RIMS2: variants seen among roughly 807,000 people sequenced by gnomAD.
RIMS2 encodes regulating synaptic membrane exocytosis 2.
Under a neutral mutation model 174.4 loss-of-function variants are expected in RIMS2, and 59 were observed. That is an observed-to-expected ratio of 0.34 (90% confidence interval 0.27 to 0.42). The LOEUF (loss-of-function observed/expected upper bound fraction) is 0.42. Ranked by LOEUF, RIMS2 falls within the 10% of genes least tolerant of loss-of-function variation. RIMS2 has a pLI of 1.00. For missense variants in RIMS2, 1,620 were observed against 1,666.3 expected, an observed-to-expected ratio of 0.97 and a Z score of 0.48; for synonymous variants, 606 against 572.5, an observed-to-expected ratio of 1.06 and a Z score of -0.84.
At chr8:103,874,886 G>T (rs2099128384) in intron 3 of RIMS2, among the ~76,000 whole-genome samples, 1 of 152,032 alleles carries the variant, frequency 6.6e-6, no homozygotes, top group Non-Finnish European at 1.5e-5. Flanking sequence ...ACAAAGCTCA[G>T]CCTCACCAGC....
Position 103,861,900 on chromosome 8 carries a change from A to C in RIMS2, c.699-23398A>C, listed in dbSNP as rs189852644. On this transcript the variant is annotated intron_variant, in intron 3 of 23. Transcript: ENST00000504942. ...ATATTAGTCCTTTGTCAGAGGCATA[A>C]TTTACAAATATTTTCTCCCATTCTG... 2.0e-3 allele frequency among the ~76,000 whole-genome samples: 310 copies of C among 152,072 alleles called. 1 individual carries two copies. Among genetic ancestry groups the C allele is most frequent in the Non-Finnish European group, 3.9e-3 (268 of 67,882 alleles).
intron 1 of RIMS2, among the ~76,000 whole-genome samples, chr8:103,565,393 T>C (rs34478067): frequency 0.18 from 27,595 of 151,998 alleles, 2,748 homozygotes; most frequent in African/African-American, 0.25. Context: ...CAAGCTCGAC[T>C]GCCTGGGATC....
At chr8:104,170,668 C>T (rs1041498408) in intron 19 of RIMS2, among the ~76,000 whole-genome samples, 1 of 152,080 alleles carries the variant, frequency 6.6e-6, no homozygotes, top group Non-Finnish European at 1.5e-5. Flanking sequence ...AACATTAATA[C>T]TGAGATATGA....
chr8:103,541,569 A>G (rs1437009581), intron 1 of RIMS2, among the ~76,000 whole-genome samples: 1 of 152,240 alleles, frequency 6.6e-6, no homozygotes, highest in Non-Finnish European at 1.5e-5. Context: ...TTTCCAAGTG[A>G]AATGAGAAGG....
intron 3 of RIMS2, among the ~76,000 whole-genome samples, chr8:103,806,510 C>G (rs1045104811): frequency 6.6e-6 from 1 of 152,064 alleles, no homozygotes; most frequent in African/African-American, 2.4e-5. Context: ...TTGGATGAAA[C>G]AGTGCATCAC....
intron 1 of RIMS2, among the ~76,000 whole-genome samples, chr8:103,602,682 A>G (rs577351855): frequency 2.0e-5 from 3 of 152,156 alleles, no homozygotes; most frequent in African/African-American, 7.2e-5. Context: ...TATGTTCTAC[A>G]CTTTCTTCAT....
intron 1 of RIMS2, 24 bp from the exon 2 acceptor site, chr8:103,652,181 A>T (rs1219388972): frequency 1.5e-6 from 2 of 1,312,458 alleles, no homozygotes; most frequent in South Asian, 2.3e-5. Context: ...CAGTGCACTC[A>T]GTTGTGCAAA....
intron 3 of RIMS2, among the ~76,000 whole-genome samples, chr8:103,770,199 C>T (rs1182196194): frequency 6.6e-6 from 1 of 152,130 alleles, no homozygotes; most frequent in Non-Finnish European, 1.5e-5. Context: ...ACAGCCACTC[C>T]TGTTCATTTA....
intron 3 of RIMS2, among the ~76,000 whole-genome samples, chr8:103,816,863 A>G (rs182949187): frequency 2.6e-5 from 4 of 152,268 alleles, no homozygotes; most frequent in East Asian, 1.9e-4. Flanking sequence ...TGCTTTTTCT[A>G]TGACTTAGTC....
intron 8 of RIMS2, among the ~76,000 whole-genome samples, 162 bp downstream of exon 11, chr8:103,916,699 A>G (rs1358004924): frequency 2.0e-5 from 3 of 152,146 alleles, no homozygotes; most frequent in African/African-American, 7.2e-5. Context: ...AAAAATAATG[A>G]TATCTCTTTA....
intron 19 of RIMS2, among the ~76,000 whole-genome samples, chr8:104,025,694 AGTT>A (rs2096240301): frequency 7.0e-6 from 1 of 143,706 alleles, no homozygotes; most frequent in Non-Finnish European, 1.5e-5. Flanking sequence ...ACCCTGAAGC[AGTT>A]GTTAAACGTA....
chr8:103,528,371 G>T (rs1222325163), intron 1 of RIMS2, among the ~76,000 whole-genome samples: 1 of 151,876 alleles, frequency 6.6e-6, no homozygotes, highest in African/African-American at 2.4e-5. Context: ...AGTTTCTTTT[G>T]CTGTGCAGAA....
At chr8:103,994,702 T>A (rs905268427) in intron 17 of RIMS2, among the ~76,000 whole-genome samples, 11 of 152,110 alleles carry the variant, frequency 7.2e-5, no homozygotes, top group African/African-American at 2.7e-4. Context: ...AAATTTTGTA[T>A]AATGTTCATG....
At chr8:103,888,881 A>G (rs1054957702) in intron 4 of RIMS2, among the ~76,000 whole-genome samples, 2 of 151,570 alleles carry the variant, frequency 1.3e-5, no homozygotes, top group Non-Finnish European at 3.0e-5. Flanking sequence ...CATTTGTTTC[A>G]CAGAGGACAG....
chr8:103,708,097 C>T (rs1433263187), intron 2 of RIMS2, among the ~76,000 whole-genome samples: 1 of 152,174 alleles, frequency 6.6e-6, no homozygotes, highest in Admixed American at 6.5e-5. Flanking sequence ...AGGTTTCATG[C>T]TGGGTTGCAC....
chr8:103,640,144 A>G (rs891025739), intron 1 of RIMS2, among the ~76,000 whole-genome samples: 1 of 152,040 alleles, frequency 6.6e-6, no homozygotes, highest in Admixed American at 6.6e-5. Flanking sequence ...TTTCAAGGAA[A>G]TGGTCCATTT....
chr8:103,631,437 C>T (rs1056815115), intron 1 of RIMS2, among the ~76,000 whole-genome samples: 3 of 152,136 alleles, frequency 2.0e-5, no homozygotes, highest in Non-Finnish European at 2.9e-5. Flanking sequence ...GATCAGATGG[C>T]TGTAGATGTG....
chr8:104,230,653 TA>T (rs1171515441), intron 19 of RIMS2, among the ~76,000 whole-genome samples: 1 of 151,612 alleles, frequency 6.6e-6, no homozygotes, highest in East Asian at 1.9e-4. Flanking sequence ...CTCAAAAAAA[TA>T]AAAATGAAAT....
chr8:103,603,028 G>A (rs1416560979), intron 1 of RIMS2, among the ~76,000 whole-genome samples: 1 of 151,130 alleles, frequency 6.6e-6, no homozygotes, highest in Middle Eastern at 3.4e-3. Flanking sequence ...TTAAGTTTTA[G>A]GGTACATGTG....
Sources: allele counts gnomAD v4.1 joint callset (sites outside exome capture counted in the v4.1 genomes callset), GRCh38; gene constraint gnomAD v4.1.1; transcripts MANE v1.5; gene names NCBI Gene and HGNC (gene_info 2026-07-23, HGNC 2026-07-21).